The following CDK15 variants were observed in gnomAD, a reference collection of about 807,000 sequenced individuals.
CDK15 encodes cyclin-dependent kinase 15.
Under a neutral mutation model 60.3 loss-of-function variants are expected in CDK15, and 62 were observed. The ratio of observed to expected loss-of-function variants is 1.03; its 90% CI spans 0.84 to 1.27. The LOEUF (loss-of-function observed/expected upper bound fraction) is 1.27, where lower values mean the gene tolerates loss of function less well. Ranked by LOEUF, CDK15 falls within the 50% of genes most tolerant of loss-of-function variation. The probability of loss-of-function intolerance (pLI) is 0.00; values close to 1 mark genes in which losing one functional copy is unlikely to be tolerated. For synonymous variants in CDK15, 194 were observed against 195.7 expected (o/e 0.99, Z 0.07); for missense variants, 541 against 527.8 (o/e 1.03, Z -0.25).
rs779703305 is a variant in CDK15 at position 201,806,627 on chromosome 2, G to T, written c.-38G>T. On this transcript the variant is annotated 5_prime_UTR_variant, in exon 1 of 14. In the 5' UTR this introduces an upstream ATG that the reference lacks. Transcript: ENST00000652192. Reference sequence around the variant, plus strand: ...AGGATAGGAGAGGCAGTGGGGGAAAGGTTCAAGTGCGGGTTTTCTCCTTGA... The same window carrying T: ...AGGATAGGAGAGGCAGTGGGGGAAATGTTCAAGTGCGGGTTTTCTCCTTGA... 140 of 1,541,680 alleles carry T rather than the reference G, an allele frequency of 9.1e-5. No individual in the cohort carries two copies. The highest frequency in any genetic ancestry group is 1.2e-4 in the Non-Finnish European group (132 of 1,143,868).
chr2:201,885,052 G>T (rs1453542898), intron 12 of CDK15, among the ~76,000 whole-genome samples: 1 of 152,156 alleles, frequency 6.6e-6, no homozygotes, highest in East Asian at 1.9e-4. Flanking sequence ...GAGAGGAAGG[G>T]CATACGGGCA....
At chr2:201,860,495 A>T (rs1477748383) in intron 10 of CDK15, among the ~76,000 whole-genome samples, 1 of 152,208 alleles carries the variant, frequency 6.6e-6, no homozygotes, top group East Asian at 1.9e-4. Context: ...GCTGAAAATC[A>T]TGCCTGATTT....
chr2:201,889,262 A>G (rs774808291), intron 12 of CDK15: 63 of 985,224 alleles, frequency 6.4e-5, no homozygotes, highest in Non-Finnish European at 7.3e-5. Flanking sequence ...TATTTTGAGC[A>G]CCCCAGATTT....
chr2:201,884,652 C>T (rs1342977586), intron 12 of CDK15, among the ~76,000 whole-genome samples: 2 of 152,176 alleles, frequency 1.3e-5, no homozygotes, highest in Non-Finnish European at 2.9e-5. Context: ...TTTCCAAATA[C>T]AAATTCTGTT....
chr2:201,829,364 G>A (rs1696649725), intron 6 of CDK15, among the ~76,000 whole-genome samples: 3 of 152,188 alleles, frequency 2.0e-5, no homozygotes, highest in African/African-American at 7.2e-5. Flanking sequence ...ACAGATGTGA[G>A]ATGATGGTGG....
chr2:201,881,056 G>A (rs1380138277), intron 12 of CDK15, among the ~76,000 whole-genome samples: 1 of 152,150 alleles, frequency 6.6e-6, no homozygotes, highest in African/African-American at 2.4e-5. Flanking sequence ...GAACTGCGAT[G>A]AGGACACTGG....
At chr2:201,823,796 C>A in intron 6 of CDK15, 69 bp downstream of exon 6, 1 of 1,335,044 alleles carries the variant, frequency 7.5e-7, no homozygotes, top group Non-Finnish European at 1.1e-6. Flanking sequence ...AACAGACTGT[C>A]TCACAAAGCA....
intron 8 of CDK15, among the ~76,000 whole-genome samples, chr2:201,838,652 C>T (rs1258683974): frequency 1.3e-5 from 2 of 152,130 alleles, no homozygotes; most frequent in Non-Finnish European, 2.9e-5. Context: ...AGAGATCCTC[C>T]TGCCTTGGCC....
chr2:201,880,620 A>G (rs758116927), intron 12 of CDK15, among the ~76,000 whole-genome samples: 7 of 152,216 alleles, frequency 4.6e-5, no homozygotes, highest in Non-Finnish European at 1.0e-4. Flanking sequence ...TGGTAATAGC[A>G]AGCTGCAGAA....
intron 8 of CDK15, among the ~76,000 whole-genome samples, chr2:201,836,937 T>G (rs1697121107): frequency 6.6e-6 from 1 of 152,042 alleles, no homozygotes; most frequent in African/African-American, 2.4e-5. Context: ...TTCTCCATTT[T>G]TAAAAATGAA....
Position 201,893,544 on chromosome 2 carries a change from A to G in CDK15, c.*277A>G, listed in dbSNP as rs1253214536. The G allele has an allele frequency of 6.6e-6, 1 of 152,194 alleles. No homozygotes were observed. Among genetic ancestry groups the G allele is most frequent in the Non-Finnish European group, 1.5e-5 (1 of 68,018 alleles). The allele number at this position is 152,194 out of a possible 1,614,324, so 9.4% of individuals were successfully genotyped here. On this transcript the variant is annotated 3_prime_UTR_variant, in exon 14 of 14. Transcript: ENST00000652192. ...CTGGACATAAACTAAGTCTAAGAAGAGGGCTTCTGAATAACTTCATTCATT... is the reference window on the plus strand; with the variant it reads ...CTGGACATAAACTAAGTCTAAGAAGGGGGCTTCTGAATAACTTCATTCATT...
chr2:201,849,350 C>G (rs538173401), intron 9 of CDK15, among the ~76,000 whole-genome samples: 2 of 152,196 alleles, frequency 1.3e-5, no homozygotes, highest in African/African-American at 4.8e-5. Flanking sequence ...CGATTGTTCT[C>G]TTCTTTCACT....
intron 9 of CDK15, among the ~76,000 whole-genome samples, chr2:201,853,379 A>T (rs1275225292): frequency 6.6e-6 from 1 of 152,232 alleles, no homozygotes; most frequent in Non-Finnish European, 1.5e-5. Flanking sequence ...TTTTGTTTAA[A>T]GACAAGCTTA....
At chr2:201,862,754 C>A (rs1197668228) in intron 10 of CDK15, among the ~76,000 whole-genome samples, 4 of 152,180 alleles carry the variant, frequency 2.6e-5, no homozygotes. Context: ...AGAATATCCA[C>A]ACCTGTTGGA....
chr2:201,835,616 G>T (rs1696970895), intron 7 of CDK15, 27 bp from the exon 8 acceptor site: 1 of 1,575,342 alleles, frequency 6.3e-7, no homozygotes, highest in African/African-American at 1.3e-5. Context: ...CAGAACGATG[G>T]GTTTTATGCT....
intron 12 of CDK15, among the ~76,000 whole-genome samples, chr2:201,887,934 C>T (rs1291132053): frequency 6.6e-6 from 1 of 151,790 alleles, no homozygotes; most frequent in Non-Finnish European, 1.5e-5. Flanking sequence ...ATGCACTAAA[C>T]ATCTCCAGCT....
In CDK15 at chr2:201,807,841, C is replaced by G. The variant is rs1695585498; in HGVS notation, c.274-17C>G. The G allele has an allele frequency of 6.3e-7, 1 of 1,595,812 alleles. No individual in the cohort carries two copies. Among genetic ancestry groups the G allele is most frequent in the African/African-American group, 1.4e-5 (1 of 73,722 alleles). On this transcript the variant is annotated splice_polypyrimidine_tract_variant and intron_variant, in intron 2 of 13. Transcript: ENST00000652192. Reference sequence around the variant, plus strand: ...CTTCCCTTTCACCCGCTCCTTTTCCCCATTCCCCTAGAGCAGAGGAAGAGC... The same window carrying G: ...CTTCCCTTTCACCCGCTCCTTTTCCGCATTCCCCTAGAGCAGAGGAAGAGC...
At chr2:201,822,948 G>A in intron 5 of CDK15, 45 bp downstream of exon 5, 1 of 1,065,534 alleles carries the variant, frequency 9.4e-7, no homozygotes, top group Non-Finnish European at 1.5e-6. Flanking sequence ...AAATAACCTG[G>A]TACTTGTATA....
chr2:201,860,571 A>T (rs998082291), intron 10 of CDK15, among the ~76,000 whole-genome samples: 10 of 152,206 alleles, frequency 6.6e-5, no homozygotes, highest in African/African-American at 2.4e-4. Context: ...CTAGGAAAGA[A>T]CACTGCACGT....
Sources: gnomAD v4.1 joint callset for allele counts (sites outside exome capture counted in the v4.1 genomes callset) on GRCh38, gnomAD v4.1.1 for gene constraint, MANE v1.5 for transcripts, NCBI Gene and HGNC (gene_info 2026-07-23, HGNC 2026-07-21) for gene names.